Variants in NCKAP5 observed in about 807,000 individuals in gnomAD.
NCKAP5 encodes nck-associated protein 5.
Under a neutral mutation model 167.0 loss-of-function variants are expected in NCKAP5, and 92 were observed. The ratio of observed to expected loss-of-function variants is 0.55; its 90% CI spans 0.47 to 0.66. NCKAP5 has a LOEUF of 0.66. NCKAP5 is among the 30% of genes least tolerant of loss of function. The probability of loss-of-function intolerance (pLI) is 0.00; values close to 1 mark genes in which losing one functional copy is unlikely to be tolerated. For synonymous variants in NCKAP5, 891 were observed against 877.4 expected (o/e 1.02, Z -0.27); for missense variants, 2,378 against 2,315.0 (o/e 1.03, Z -0.56).
chr2:132,968,819 C>G (rs60437726), intron 7 of NCKAP5, among the ~76,000 whole-genome samples: 5,225 of 152,146 alleles, frequency 0.034, 265 homozygotes, highest in African/African-American at 0.1. Flanking sequence ...ATCTAAAGAA[C>G]TGTAGCTGAA....
At chr2:132,920,702 C>A (rs5009087) in intron 8 of NCKAP5, among the ~76,000 whole-genome samples, 7,974 of 69,812 alleles carry the variant, frequency 0.11, 1,203 homozygotes, top group Admixed American at 0.31. Flanking sequence ...TATATATATA[C>A]GTATATGTAT....
chr2:133,155,292 T>C (rs2149906768), intron 5 of NCKAP5, among the ~76,000 whole-genome samples: 1 of 152,228 alleles, frequency 6.6e-6, no homozygotes, highest in Non-Finnish European at 1.5e-5. Context: ...AACTTTAGAG[T>C]ACATCAAAAT....
chr2:133,509,589 T>C (rs1343638612), intron 3 of NCKAP5, among the ~76,000 whole-genome samples: 2 of 152,232 alleles, frequency 1.3e-5, no homozygotes, highest in Non-Finnish European at 2.9e-5. Flanking sequence ...TGTCAGACTT[T>C]AGGAATACAA....
chr2:133,107,780 G>T (rs560537725), intron 6 of NCKAP5, among the ~76,000 whole-genome samples: 2 of 152,300 alleles, frequency 1.3e-5, no homozygotes, highest in African/African-American at 4.8e-5. Flanking sequence ...CATCTAAATG[G>T]TTTTGTTGGG....
chr2:133,272,857 T>C (rs555656172), intron 4 of NCKAP5, among the ~76,000 whole-genome samples: 2 of 152,330 alleles, frequency 1.3e-5, no homozygotes, highest in South Asian at 4.1e-4. Flanking sequence ...TTTTCAAGTT[T>C]TGTCCATGTT....
the NCKAP5 span, among the ~76,000 whole-genome samples, chr2:133,607,758 A>G: frequency 6.6e-6 from 1 of 152,206 alleles, no homozygotes; most frequent in African/African-American, 2.4e-5. Context: ...ACTTGCTTAG[A>G]AGGCCCATGT....
chr2:132,823,565 A>G (rs1247536987), intron 11 of NCKAP5, among the ~76,000 whole-genome samples: 2 of 152,188 alleles, frequency 1.3e-5, no homozygotes, highest in Non-Finnish European at 2.9e-5. Flanking sequence ...AAAATCTTCA[A>G]AGAAAACCTC....
chr2:133,571,441 C>T (rs79590493), upstream of NCKAP5, among the ~76,000 whole-genome samples: 2,829 of 152,216 alleles, frequency 0.019, 104 homozygotes, highest in African/African-American at 0.065. Flanking sequence ...AAACTCCCCC[C>T]ACCTGCTGAG....
intron 19 of NCKAP5, among the ~76,000 whole-genome samples, chr2:132,689,591 A>G (rs1686454605): frequency 6.6e-6 from 1 of 152,172 alleles, no homozygotes; most frequent in Admixed American, 6.5e-5. Flanking sequence ...AATACCTGGC[A>G]CTTGTGCGGC....
intron 11 of NCKAP5, among the ~76,000 whole-genome samples, chr2:132,846,192 T>G (rs2105451804): frequency 6.6e-6 from 1 of 152,366 alleles, no homozygotes; most frequent in South Asian, 2.1e-4. Context: ...TCTTTCTTGC[T>G]GATGAAAACC....
At chr2:133,312,362 T>A (rs1681300820) in intron 3 of NCKAP5, among the ~76,000 whole-genome samples, 1 of 152,194 alleles carries the variant, frequency 6.6e-6, no homozygotes, top group Non-Finnish European at 1.5e-5. Context: ...AACTGTTCCC[T>A]ATTAGATATT....
chr2:133,317,846 A>G lies in NCKAP5; in HGVS notation c.70-14736T>C, dbSNP rs181237422. On this transcript the variant is annotated intron_variant, in intron 3 of 19. Transcript: ENST00000409261. Reference sequence around the variant, plus strand: ...AGGACCCATCTGGCTGGCAATCCTCATTTCAGATCTTTACATCTGACCATG... The same window carrying G: ...AGGACCCATCTGGCTGGCAATCCTCGTTTCAGATCTTTACATCTGACCATG... 1.2e-3 allele frequency among the ~76,000 whole-genome samples: 178 copies of G among 152,316 alleles called. 2 individuals are homozygous for G. Among genetic ancestry groups the G allele is most frequent in the African/African-American group, 4.1e-3 (171 of 41,550 alleles).
At chr2:133,531,601 C>T (rs6731024) in intron 2 of NCKAP5, among the ~76,000 whole-genome samples, 1 of 151,780 alleles carries the variant, frequency 6.6e-6, no homozygotes, top group African/African-American at 2.4e-5. Context: ...TCTGGTCATA[C>T]AGCATTGACC....
At chr2:133,616,131 C>A in the NCKAP5 span, among the ~76,000 whole-genome samples, 3 of 151,870 alleles carry the variant, frequency 2.0e-5, no homozygotes, top group Admixed American at 6.6e-5. Flanking sequence ...ATACCAGAAT[C>A]CCTGGGACGC....
intron 3 of NCKAP5, among the ~76,000 whole-genome samples, chr2:133,432,573 G>A (rs1384712712): frequency 6.6e-6 from 1 of 152,156 alleles, no homozygotes; most frequent in Non-Finnish European, 1.5e-5. Context: ...CAAGTAGCTT[G>A]TTTACAGCAA....
At chr2:132,707,611 T>C (rs1433981220) in intron 19 of NCKAP5, among the ~76,000 whole-genome samples, 1 of 152,162 alleles carries the variant, frequency 6.6e-6, no homozygotes, top group Non-Finnish European at 1.5e-5. Context: ...TTGTTAGGTA[T>C]CTCCTGTGTG....
At chr2:133,216,948 T>C (rs566493989) in intron 4 of NCKAP5, among the ~76,000 whole-genome samples, 5 of 152,260 alleles carry the variant, frequency 3.3e-5, no homozygotes, top group African/African-American at 9.6e-5. Context: ...AAAACATGTA[T>C]TTTTAAAAAC....
At chr2:132,684,558 C>T (rs769346193) in intron 19 of NCKAP5, among the ~76,000 whole-genome samples, 1 of 152,140 alleles carries the variant, frequency 6.6e-6, no homozygotes, top group Non-Finnish European at 1.5e-5. Flanking sequence ...TTAGGCTAAA[C>T]AAATTTTATT....
chr2:133,498,973 G>A lies in NCKAP5; in HGVS notation c.69+18485C>T, dbSNP rs996807665. Reference sequence around the variant, plus strand: ...ATCCAGCAGTCATGCCTGGGTTGGCGACCTCCTGAATCAAGGAACTGCTAA... The same window carrying A: ...ATCCAGCAGTCATGCCTGGGTTGGCAACCTCCTGAATCAAGGAACTGCTAA... On this transcript the variant is annotated intron_variant, in intron 3 of 19. Transcript: ENST00000409261. 4.6e-5 allele frequency among the ~76,000 whole-genome samples: 7 copies of A among 152,190 alleles called. No individual in the cohort carries two copies. In the East Asian group the frequency reaches 9.6e-4, roughly 21 times the overall value.
Sources: gnomAD v4.1 joint callset for allele counts (sites outside exome capture counted in the v4.1 genomes callset) on GRCh38, gnomAD v4.1.1 for gene constraint, MANE v1.5 for transcripts, NCBI Gene and HGNC (gene_info 2026-07-23, HGNC 2026-07-21) for gene names.